Variants in MOB1B observed in about 807,000 individuals in gnomAD.
The protein encoded by MOB1B is MOB1 Mps One Binder homolog B.
In MOB1B, 19 loss-of-function variants were observed where a neutral mutation model predicts 24.4. The observed-to-expected ratio is 0.78, with a 90% CI of 0.54 to 1.14. The LOEUF (loss-of-function observed/expected upper bound fraction) is 1.14. Ranked by LOEUF, MOB1B falls within the 50% of genes most tolerant of loss-of-function variation. MOB1B has a pLI of 0.00. For missense variants in MOB1B, 243 were observed against 259.6 expected (o/e 0.94, Z 0.44); for synonymous variants, 76 against 82.1 (o/e 0.93, Z 0.40).
intron 1 of MOB1B, among the ~76,000 whole-genome samples, chr4:70,928,148 G>T (rs1736727206): frequency 6.6e-6 from 1 of 152,012 alleles, no homozygotes; most frequent in African/African-American, 2.4e-5. Flanking sequence ...TTTCCAAAAA[G>T]ACATTGTACT....
At chr4:70,930,636 G>A (rs574221952) in intron 1 of MOB1B, among the ~76,000 whole-genome samples, 30 of 152,246 alleles carry the variant, frequency 2.0e-4, no homozygotes, top group Middle Eastern at 3.4e-3. Context: ...TAAATACTGT[G>A]CATGATTGTA....
At chr4:70,907,422 T>A (rs1050136950) in intron 1 of MOB1B, among the ~76,000 whole-genome samples, 7 of 152,000 alleles carry the variant, frequency 4.6e-5, no homozygotes, top group African/African-American at 1.7e-4. Context: ...CTAATGGAAT[T>A]CTGAAAAAAA....
intron 5 of MOB1B, among the ~76,000 whole-genome samples, chr4:70,981,732 A>C (rs1739217935): frequency 6.6e-6 from 1 of 152,158 alleles, no homozygotes; most frequent in African/African-American, 2.4e-5. Context: ...ATCCAGTATC[A>C]CATTTAGTCC....
At chr4:70,929,008 A>G (rs1736767360) in intron 1 of MOB1B, among the ~76,000 whole-genome samples, 1 of 152,152 alleles carries the variant, frequency 6.6e-6, no homozygotes, top group Admixed American at 6.5e-5. Flanking sequence ...TCTACCAGGG[A>G]ATGAGAGTGC....
intron 4 of MOB1B, among the ~76,000 whole-genome samples, chr4:70,977,183 A>G (rs938015136): frequency 1.3e-5 from 2 of 152,182 alleles, no homozygotes; most frequent in African/African-American, 4.8e-5. Context: ...TTAATAATGT[A>G]CTTTATAAGC....
chr4:70,905,858 G>A (rs1043875455), intron 1 of MOB1B, among the ~76,000 whole-genome samples: 12 of 149,864 alleles, frequency 8.0e-5, no homozygotes, highest in Non-Finnish European at 1.5e-4. Context: ...TGACCCCAGA[G>A]TTCCACACCA....
chr4:70,967,730 A>G (rs10440170), intron 2 of MOB1B, among the ~76,000 whole-genome samples: 6,925 of 152,250 alleles, frequency 0.045, 299 homozygotes, highest in African/African-American at 0.11. Flanking sequence ...AAAAAGGAAA[A>G]AAAATATTAG....
At chr4:70,951,554 T>C (rs1399437587) in intron 1 of MOB1B, among the ~76,000 whole-genome samples, 6 of 152,214 alleles carry the variant, frequency 3.9e-5, no homozygotes, top group African/African-American at 1.4e-4. Context: ...ATGCAATGAA[T>C]TATTAATGTG....
At chr4:70,914,147 C>T (rs1433846758) in intron 1 of MOB1B, among the ~76,000 whole-genome samples, 11 of 152,136 alleles carry the variant, frequency 7.2e-5, no homozygotes, top group Admixed American at 7.2e-4. Flanking sequence ...ACATAGGAGG[C>T]GCCATTTACG....
chr4:70,938,492 C>A (rs1330381809), intron 1 of MOB1B, among the ~76,000 whole-genome samples: 1 of 152,022 alleles, frequency 6.6e-6, no homozygotes, highest in Non-Finnish European at 1.5e-5. Context: ...TGCAACTATA[C>A]CTGTGTCTCT....
At chr4:70,969,138 TA>T (rs1738654980) in intron 2 of MOB1B, among the ~76,000 whole-genome samples, 2 of 152,164 alleles carry the variant, frequency 1.3e-5, no homozygotes. Context: ...TCTTAATACT[TA>T]CCTTAGTTTT....
rs886759669 is a variant in MOB1B at position 70,954,403 on chromosome 4, G to A, written c.15-4471G>A. 8.3e-4 allele frequency among the ~76,000 whole-genome samples: 126 copies of A among 152,258 alleles called. 3 individuals are homozygous for A. The highest frequency in any genetic ancestry group is 8.8e-5 in the Non-Finnish European group (6 of 68,016). ...TTGCCTGAGATAGTAGCTGATGTGT[G>A]TCAAAGTTGGCCTTCACAAAATTGA... On this transcript the variant is annotated intron_variant, in intron 1 of 5. Coordinates refer to ENST00000309395, the MANE Select transcript of MOB1B (RefSeq NM_173468.4).
rs541090838 is a variant in MOB1B, at chr4:70,938,961, T to C, written c.15-19913T>C. Among the ~76,000 whole-genome samples the C allele has an allele frequency of 3.3e-5, 5 of 152,108 alleles. 1 individual carries two copies. Among genetic ancestry groups the C allele is most frequent in the South Asian group, 4.2e-4 (2 of 4,788 alleles). ...TCGACCTCCCAAAGTGCTGGGATAA[T>C]AGGCATGAGCCACTGAGCCTGGCCC... On this transcript the variant is annotated intron_variant, in intron 1 of 5. Transcript: ENST00000309395.
At chr4:70,976,662 T>A (rs1296839624) in intron 4 of MOB1B, 2 of 972,320 alleles carry the variant, frequency 2.1e-6, no homozygotes, top group Non-Finnish European at 2.4e-6. Flanking sequence ...TATAAATAGT[T>A]GTTGTTATGG....
chr4:70,975,360 T>A (rs1242753608), intron 4 of MOB1B, 74 bp downstream of exon 4: 1 of 1,572,264 alleles, frequency 6.4e-7, no homozygotes, highest in Non-Finnish European at 8.6e-7. Flanking sequence ...CCTCCCTCTT[T>A]CCACTATATC....
In MOB1B at chr4:70,974,736, G is replaced by A. The variant is rs1343096497; in HGVS notation, c.276-417G>A. Among the ~76,000 whole-genome samples the A allele has an allele frequency of 2.0e-5, 3 of 152,034 alleles. No individual in the cohort carries two copies. In the East Asian group the frequency reaches 5.8e-4, roughly 29 times the overall value. ...TCTGTGTCATTCTCTATCCTTAACC[G>A]AAAATTTAAAGCCCCAAGTTAAAAA... On this transcript the variant is annotated intron_variant, in intron 3 of 5. Transcript: ENST00000309395.
intron 3 of MOB1B, among the ~76,000 whole-genome samples, chr4:70,973,994 A>T (rs1022122895): frequency 2.0e-5 from 3 of 152,156 alleles, no homozygotes; most frequent in African/African-American, 7.2e-5. Context: ...AACTCTGGGG[A>T]CAAGGGTAGA....
intron 1 of MOB1B, among the ~76,000 whole-genome samples, chr4:70,920,392 T>G (rs945112972): frequency 6.6e-6 from 1 of 152,160 alleles, no homozygotes; most frequent in East Asian, 1.9e-4. Flanking sequence ...GCCTGGCTAA[T>G]TTTTGTATTT....
At position 70,978,921 on chromosome 4, in the gene MOB1B, A is replaced by G. The variant is rs1285793448; in HGVS notation, c.410-207A>G. Reference sequence around the variant, plus strand: ...GACATAACAGGCTGTAATGAAGACTAATTCTTATACCATAAAAACTTTGAA... The same window carrying G: ...GACATAACAGGCTGTAATGAAGACTGATTCTTATACCATAAAAACTTTGAA... On this transcript the variant is annotated intron_variant, in intron 4 of 5. Coordinates refer to ENST00000309395, the MANE Select transcript of MOB1B (RefSeq NM_173468.4). Among the ~76,000 whole-genome samples, 4 of 152,184 alleles carry G rather than the reference A, an allele frequency of 2.6e-5. No individual in the cohort carries two copies. In the East Asian group the frequency reaches 7.7e-4, roughly 29 times the overall value.
Sources: gnomAD v4.1 joint callset for allele counts (sites outside exome capture counted in the v4.1 genomes callset) on GRCh38, gnomAD v4.1.1 for gene constraint, MANE v1.5 for transcripts, NCBI Gene and HGNC (gene_info 2026-07-23, HGNC 2026-07-21) for gene names.